ERBIN: variants seen among roughly 807,000 people sequenced by gnomAD.
ERBIN encodes erbb2 interacting protein, also known as densin-180-like protein.
A neutral mutation model predicts 158.4 loss-of-function variants in ERBIN; 60 were observed. The observed-to-expected ratio is 0.38, with a 90% CI of 0.31 to 0.47. The LOEUF is 0.47. ERBIN is among the 20% of genes least tolerant of loss of function. The pLI, the probability that ERBIN is intolerant of heterozygous loss-of-function variation, is 0.99. For missense variants in ERBIN, 1,610 were observed against 1,648.0 expected (o/e 0.98, Z 0.40); for synonymous variants, 594 against 557.2 (o/e 1.07, Z -0.93).
intron 1 of ERBIN, among the ~76,000 whole-genome samples, chr5:65,978,958 C>T (rs868429592): frequency 6.6e-6 from 1 of 152,094 alleles, no homozygotes. Context: ...TTGACAAGAT[C>T]GAAAAGGTGA....
intron 1 of ERBIN, among the ~76,000 whole-genome samples, chr5:65,967,085 A>G (rs1748728592): frequency 1.3e-5 from 2 of 152,144 alleles, no homozygotes; most frequent in African/African-American, 4.8e-5. Context: ...CAGCCTGGGT[A>G]ACATAGAGAG....
At chr5:65,951,903 T>C (rs528207330) in intron 1 of ERBIN, among the ~76,000 whole-genome samples, 17 of 152,260 alleles carry the variant, frequency 1.1e-4, no homozygotes, top group Non-Finnish European at 2.5e-4. Flanking sequence ...TGCTGTTAAG[T>C]GCCTTATGAT....
chr5:66,054,011 C>T lies in ERBIN; in HGVS notation c.2693C>T (p.Thr898Ile). The T allele has an allele frequency of 6.2e-7, 1 of 1,614,114 alleles. No homozygotes were observed. Among genetic ancestry groups the T allele is most frequent in the Non-Finnish European group, 8.5e-7 (1 of 1,180,010 alleles). Residue 898 changes from threonine to isoleucine, a missense_variant, in exon 21 of 26, where the codon ACC (threonine) becomes ATC (isoleucine). By Grantham distance (89) the Thr-to-Ile change is moderately conservative. Transcript: ENST00000284037. ...AATGGACCTCAGCAGCCAAGTACAA[C>T]CGTTAAAATCACATCTGCTGTTGAT... ...SDNGPQQPST[T>I]VKITSAVDGK... is the part of the protein sequence containing the mutation.
chr5:66,026,230 A>G, intron 12 of ERBIN, 72 bp from the exon 13 acceptor site: 1 of 943,844 alleles, frequency 1.1e-6, no homozygotes, highest in South Asian at 1.9e-5. Context: ...AACTTTCAAA[A>G]ATGATGTTTT....
In ERBIN at chr5:66,053,830, C is replaced by T; in HGVS notation, c.2512C>T (p.Pro838Ser). The T allele has an allele frequency of 6.2e-7, 1 of 1,614,044 alleles. No individual in the cohort carries two copies. The highest frequency in any genetic ancestry group is 8.5e-7 in the Non-Finnish European group (1 of 1,180,022). Residue 838 changes from proline (P) to serine (S), a missense_variant, in exon 21 of 26, where the codon CCA becomes TCA. Around this residue, in one of 2 missense-constraint regions of ERBIN, gnomAD observed 1,014 missense variants for 936.1 expected, o/e 1.08. Coordinates refer to ENST00000284037, the MANE Select transcript of ERBIN (RefSeq NM_001253697.2). ...ETSQSPNRTE[P>S]HDSDCSVDLG... ...TTCCCAGTCTCCTAATAGGACTGAA[C>T]CACATGACAGTGATTGTTCTGTTGA...
chr5:65,947,746 C>T (rs1459255185), intron 1 of ERBIN, among the ~76,000 whole-genome samples: 1 of 152,136 alleles, frequency 6.6e-6, no homozygotes, highest in Non-Finnish European at 1.5e-5. Context: ...GTGGCTCACA[C>T]CTGTAATCCC....
At chr5:66,004,577 A>G (rs920154830) in intron 4 of ERBIN, among the ~76,000 whole-genome samples, 7 of 151,556 alleles carry the variant, frequency 4.6e-5, no homozygotes, top group Admixed American at 1.3e-4. Context: ...TTTTTTTGGT[A>G]TTTTCAGTTT....
intron 1 of ERBIN, among the ~76,000 whole-genome samples, chr5:65,958,020 C>G (rs576101168): frequency 6.9e-6 from 1 of 145,340 alleles, no homozygotes; most frequent in East Asian, 2.1e-4. Flanking sequence ...ACATCCCAGA[C>G]GGGGTGGCGG....
intron 15 of ERBIN, 31 bp from the exon 16 acceptor site, chr5:66,043,046 T>C (rs774241927): frequency 4.7e-6 from 7 of 1,483,272 alleles, no homozygotes; most frequent in Admixed American, 1.9e-5. Flanking sequence ...CAGTAAAATA[T>C]AGTAGGTTTT....
intron 1 of ERBIN, among the ~76,000 whole-genome samples, chr5:65,946,787 CTTTTT>C (rs918837936): frequency 4.5e-5 from 6 of 134,458 alleles, no homozygotes; most frequent in Admixed American, 7.4e-5. Context: ...TTGGTTGTTA[CTTTTT>C]TTTTTTTTTT....
At chr5:65,941,269 C>T (rs1744981456) in intron 1 of ERBIN, among the ~76,000 whole-genome samples, 2 of 147,236 alleles carry the variant, frequency 1.4e-5, no homozygotes, top group Non-Finnish European at 3.0e-5. Context: ...TGTCCTATGA[C>T]CCTGCCAAAT....
intron 4 of ERBIN, among the ~76,000 whole-genome samples, chr5:66,005,389 A>T (rs1226765899): frequency 1.3e-5 from 2 of 152,108 alleles, no homozygotes; most frequent in African/African-American, 4.8e-5. Context: ...TTTTTTTGAG[A>T]TCTAGTTGTT....
chr5:65,946,918 C>T (rs1164187414), intron 1 of ERBIN, among the ~76,000 whole-genome samples: 1 of 150,848 alleles, frequency 6.6e-6, no homozygotes, highest in Admixed American at 6.6e-5. Context: ...TATTCAACAT[C>T]TATATTCTCT....
chr5:66,028,414 T>C, intron 14 of ERBIN, 71 bp downstream of exon 14: 1 of 1,193,910 alleles, frequency 8.4e-7, no homozygotes. Context: ...CCGATTTACA[T>C]AGGGTCATTT....
intron 14 of ERBIN, among the ~76,000 whole-genome samples, chr5:66,030,555 G>A (rs1273434761): frequency 2.0e-5 from 3 of 147,708 alleles, no homozygotes; most frequent in African/African-American, 7.5e-5. Flanking sequence ...TATTAGTACA[G>A]TAGCACCTTT....
intron 1 of ERBIN, among the ~76,000 whole-genome samples, chr5:65,974,941 G>A (rs1055377115): frequency 1.7e-4 from 26 of 152,188 alleles, no homozygotes; most frequent in Non-Finnish European, 7.4e-5. Flanking sequence ...ATCTCGTAAA[G>A]TAAGGGGAAG....
chr5:66,068,860 AT>A (rs1761267215), intron 21 of ERBIN: 8 of 1,509,534 alleles, frequency 5.3e-6, no homozygotes, highest in Non-Finnish European at 7.1e-6. Flanking sequence ...TGTTAAATCT[AT>A]CCCCTCTTTA....
At chr5:65,929,960 C>T (rs1743164819) in intron 1 of ERBIN, among the ~76,000 whole-genome samples, 1 of 152,060 alleles carries the variant, frequency 6.6e-6, no homozygotes, top group African/African-American at 2.4e-5. Flanking sequence ...TCCCATTTTT[C>T]AGATTCACTT....
intron 21 of ERBIN, among the ~76,000 whole-genome samples, chr5:66,066,055 C>T (rs941934252): frequency 6.6e-6 from 1 of 152,074 alleles, no homozygotes; most frequent in African/African-American, 2.4e-5. Flanking sequence ...GGGATGCTTT[C>T]TTTTCCTATG....
Sources: allele counts gnomAD v4.1 joint callset (sites outside exome capture counted in the v4.1 genomes callset), GRCh38; gene constraint gnomAD v4.1.1; regional missense constraint gnomAD v4.1.1; transcripts MANE v1.5; gene names NCBI Gene and HGNC (gene_info 2026-07-23, HGNC 2026-07-21).